Variants in SKIL observed in about 807,000 individuals in gnomAD.
SKIL encodes the protein ski-like protein.
SKIL carries 20 observed loss-of-function variants against 69.6 expected under a neutral mutation model. That is an observed-to-expected ratio of 0.29 (90% confidence interval 0.20 to 0.42). SKIL has a LOEUF of 0.42. Among genes scored for constraint, SKIL ranks in the 10% least tolerant of loss-of-function variants. The pLI, the probability that SKIL is intolerant of heterozygous loss-of-function variation, is 1.00. For missense variants in SKIL, 745 were observed against 783.1 expected (o/e 0.95, Z 0.58); for synonymous variants, 310 against 279.9 (o/e 1.11, Z -1.08).
intron 2 of SKIL, among the ~76,000 whole-genome samples, chr3:170,369,155 A>G (rs1736678746): frequency 6.7e-6 from 1 of 150,242 alleles, no homozygotes; most frequent in African/African-American, 2.5e-5. Context: ...GGTTTAGGAA[A>G]TAGAGCCTCT....
chr3:170,364,311 CTTTTTTTTTTTTTTTTTT>C (rs34818157), intron 2 of SKIL, among the ~76,000 whole-genome samples: 1 of 59,974 alleles, frequency 1.7e-5, no homozygotes. Context: ...TTGCTCCCGT[CTTTTTTTTTTTTTTTTTT>C]TTTTTTTTTT....
chr3:170,376,042 CTTTTTTTTTTTTT>C (rs869036195), intron 2 of SKIL, among the ~76,000 whole-genome samples: 31 of 89,136 alleles, frequency 3.5e-4, no homozygotes, highest in Admixed American at 2.3e-3. Flanking sequence ...GCTGATTTTC[CTTTTTTTTTTTTT>C]TTTTTTTTTT....
At chr3:170,378,835 A>G (rs11927807) in intron 2 of SKIL, among the ~76,000 whole-genome samples, 116,002 of 150,822 alleles carry the variant, frequency 0.77, 45,347 homozygotes, top group East Asian at 0.94. Flanking sequence ...GCACCCGACC[A>G]GAATTGGAGC....
intron 4 of SKIL, among the ~76,000 whole-genome samples, chr3:170,389,695 AT>A (rs938945037): frequency 3.0e-4 from 46 of 152,274 alleles, no homozygotes; most frequent in African/African-American, 1.1e-3. Flanking sequence ...AGTTTTTTAA[AT>A]TTCTGGACTC....
intron 4 of SKIL, among the ~76,000 whole-genome samples, chr3:170,386,382 G>A (rs142046370): frequency 0.014 from 2,078 of 151,838 alleles, 55 homozygotes; most frequent in African/African-American, 0.048. Context: ...CGCCTGCCTC[G>A]GCCTCCCAAA....
intron 2 of SKIL, among the ~76,000 whole-genome samples, chr3:170,366,037 T>A (rs1278330626): frequency 6.6e-6 from 1 of 150,836 alleles, no homozygotes; most frequent in Non-Finnish European, 1.5e-5. Context: ...ATTACAGGCA[T>A]GAGCCATTGC....
intron 4 of SKIL, among the ~76,000 whole-genome samples, chr3:170,388,319 A>G (rs1035232804): frequency 1.4e-5 from 2 of 148,078 alleles, no homozygotes; most frequent in Non-Finnish European, 3.0e-5. Context: ...AGAAATGTCT[A>G]TTCAGGTCTT....
intron 2 of SKIL, among the ~76,000 whole-genome samples, chr3:170,369,511 C>T (rs1736696449): frequency 6.6e-6 from 1 of 152,132 alleles, no homozygotes; most frequent in Admixed American, 6.5e-5. Context: ...AAGTGATTCT[C>T]ATGCCTCAGC....
intron 2 of SKIL, among the ~76,000 whole-genome samples, chr3:170,370,440 C>T (rs77584241): frequency 7.6e-4 from 2 of 2,620 alleles, no homozygotes; most frequent in African/African-American, 5.5e-3. Flanking sequence ...AGAGAGAGAG[C>T]CCCCCCCCCC....
chr3:170,370,707 G>A (rs758180632), intron 2 of SKIL, among the ~76,000 whole-genome samples: 1 of 151,904 alleles, frequency 6.6e-6, no homozygotes, highest in Non-Finnish European at 1.5e-5. Context: ...ATTTTTTATG[G>A]GAACAAGGAA....
At chr3:170,378,837 A>T (rs934448204) in intron 2 of SKIL, among the ~76,000 whole-genome samples, 34 of 145,318 alleles carry the variant, frequency 2.3e-4, no homozygotes, top group Admixed American at 1.7e-3. Flanking sequence ...ACCCGACCAG[A>T]ATTGGAGCTT....
At position 170,360,977 on chromosome 3, in the gene SKIL, C is replaced by G. The variant is rs1736198232; in HGVS notation, c.646C>G (p.Pro216Ala). The G allele has an allele frequency of 6.2e-7, 1 of 1,614,164 alleles. No individual in the cohort carries two copies. The highest frequency in any genetic ancestry group is 2.2e-5 in the East Asian group (1 of 44,886). The change falls in exon 2 of 7, where the codon CCA becomes GCA. Residue 216 changes from proline to alanine, a missense_variant. By Grantham distance (27) the Pro-to-Ala change is conservative. Coordinates refer to ENST00000259119, the MANE Select transcript of SKIL (RefSeq NM_005414.5). The part of the protein sequence containing the change: ...KVLGILPFNA[P>A]SCGLITLTDA... ...ACTGGGCATACTTCCATTCAATGCC[C>G]CATCCTGTGGGCTGATTACATTAAC...
rs1738056587 is a variant in SKIL at position 170,393,979 on chromosome 3, T to TTA, written c.*1563_*1564dup. ...TTGTACTTCCCCAAATGTAATTTATTTACTAAATTGAGTATAACCTAAATG... is the reference window on the plus strand; with the variant it reads ...TTGTACTTCCCCAAATGTAATTTATTTATACTAAATTGAGTATAACCTAAATG... On this transcript the variant is annotated 3_prime_UTR_variant, in exon 7 of 7. Coordinates refer to ENST00000259119, the MANE Select transcript of SKIL (RefSeq NM_005414.5). 6.6e-6 allele frequency: 1 copy of TTA among 152,142 alleles called. No individual in the cohort carries two copies. The highest frequency in any genetic ancestry group is 1.5e-5 in the Non-Finnish European group (1 of 68,012). The allele number at this position is 152,142 out of a possible 1,614,324, so 9.4% of individuals were successfully genotyped here. A position where few individuals can be genotyped will look rare whatever the true frequency, so the allele number is the denominator to read the frequency against.
In SKIL at chr3:170,396,831, T is replaced by C. The variant is rs903543316; in HGVS notation, c.*4414T>C. On this transcript the variant is annotated 3_prime_UTR_variant, in exon 7 of 7. Transcript: ENST00000259119. ...ACTAAATAAAAACTTTTAATGCCAA[T>C]TAAATTTGATTCAAGTTATTTCAGT... 3.3e-5 allele frequency: 5 copies of C among 152,252 alleles called. No homozygotes were observed. The highest frequency in any genetic ancestry group is 1.2e-4 in the African/African-American group (5 of 41,464). The allele number at this position is 152,252 out of a possible 1,614,324, so 9.4% of individuals were successfully genotyped here.
Position 170,365,752 on chromosome 3 carries a change from C to CTTTTTTTTTTTTTTT in SKIL, c.1098+4330_1098+4344dup, listed in dbSNP as rs59222162. On this transcript the variant is annotated intron_variant, in intron 2 of 6. Coordinates refer to ENST00000259119, the MANE Select transcript of SKIL (RefSeq NM_005414.5). ...GCTCATTTTAAAAAGTCAAACTAGG[C>CTTTTTTTTTTTTTTT]TTTTTTTTTTTTTTTTTTTTTGAGA... is the stretch of plus-strand genomic sequence containing the variant. Among the ~76,000 whole-genome samples, 272 of 106,422 alleles carry CTTTTTTTTTTTTTTT rather than the reference C, an allele frequency of 2.6e-3. 20 individuals are homozygous for CTTTTTTTTTTTTTTT. The highest frequency in any genetic ancestry group is 9.8e-3 in the African/African-American group (246 of 25,192). The allele number at this position is 106,422 out of a possible 152,430, so 69.8% of individuals were successfully genotyped here. A position where few individuals can be genotyped will look rare whatever the true frequency, so the allele number is the denominator to read the frequency against.
chr3:170,385,257 AT>A lies in SKIL; in HGVS notation c.1429+509del, dbSNP rs1159207619. On this transcript the variant is annotated intron_variant, in intron 4 of 6. Coordinates refer to ENST00000259119, the MANE Select transcript of SKIL (RefSeq NM_005414.5). ...TGTGCCTGGCTAATTAAAAAAAAAA[AT>A]TTTTTTTTTTTTTTTTGTAGAGATG... is the stretch of plus-strand genomic sequence containing the variant. Among the ~76,000 whole-genome samples, 878 of 136,680 alleles carry A rather than the reference AT, an allele frequency of 6.4e-3. 1 individual carries two copies. Among genetic ancestry groups the A allele is most frequent in the Non-Finnish European group, 9.8e-3 (615 of 62,628 alleles). 89.7% of individuals were successfully genotyped at this position (136,680 alleles called of 152,430 possible). A position where few individuals can be genotyped will look rare whatever the true frequency, so the allele number is the denominator to read the frequency against.
At chr3:170,380,756 T>C (rs2108213724) in intron 2 of SKIL, among the ~76,000 whole-genome samples, 1 of 152,294 alleles carries the variant, frequency 6.6e-6, no homozygotes, top group Non-Finnish European at 1.5e-5. Context: ...TGTGATGGGA[T>C]AGTTCATGTG....
rs1577455817 is a variant in SKIL at position 170,395,992 on chromosome 3, A to T, written c.*3575A>T. On this transcript the variant is annotated 3_prime_UTR_variant, in exon 7 of 7. Coordinates refer to ENST00000259119, the MANE Select transcript of SKIL (RefSeq NM_005414.5). ...AAAGTGTATTAGTATTTTATATTGC[A>T]TTTCATTTAAAAGGACAGTTTTTTT... is the stretch of plus-strand genomic sequence containing the variant. The T allele has an allele frequency of 6.9e-6, 1 of 145,264 alleles. No individual in the cohort carries two copies. The allele number at this position is 145,264 out of a possible 1,614,324, so 9.0% of individuals were successfully genotyped here. A position where few individuals can be genotyped will look rare whatever the true frequency, so the allele number is the denominator to read the frequency against.
Position 170,361,383 on chromosome 3 carries a change from T to G in SKIL, c.1052T>G (p.Met351Arg). The G allele has an allele frequency of 6.2e-7, 1 of 1,601,296 alleles. No individual in the cohort carries two copies. Among genetic ancestry groups the G allele is most frequent in the Non-Finnish European group, 8.5e-7 (1 of 1,176,544 alleles). ...EKKLKIILEE[M>R]KEKFSMRSGK... ...AAACTGAAGATAATTTTAGAAGAAATGAAGGAGAAGTTTAGCATGAGAAGT... is the reference window on the plus strand; with the variant it reads ...AAACTGAAGATAATTTTAGAAGAAAGGAAGGAGAAGTTTAGCATGAGAAGT... Residue 351 changes from methionine (M) to arginine (R), a missense_variant, in exon 2 of 7, where the codon ATG (methionine) becomes AGG (arginine). Coordinates refer to ENST00000259119, the MANE Select transcript of SKIL (RefSeq NM_005414.5).
Sources: gnomAD v4.1 joint callset for allele counts (sites outside exome capture counted in the v4.1 genomes callset) on GRCh38, gnomAD v4.1.1 for gene constraint, MANE v1.5 for transcripts, NCBI Gene and HGNC (gene_info 2026-07-23, HGNC 2026-07-21) for gene names.